CNTN4: variants seen among roughly 807,000 people sequenced by gnomAD.
The protein encoded by CNTN4 is contactin-4.
A neutral mutation model predicts 122.5 loss-of-function variants in CNTN4; 77 were observed. That is an observed-to-expected ratio of 0.63 (90% CI 0.52 to 0.76). The LOEUF (loss-of-function observed/expected upper bound fraction) is 0.76, where lower values mean the gene tolerates loss of function less well. CNTN4 is among the 30% of genes least tolerant of loss of function. The pLI is 0.00. For missense variants in CNTN4, 1,256 were observed against 1,259.1 expected (o/e 1.00, Z 0.04); for synonymous variants, 512 against 447.0 (o/e 1.15, Z -1.83).
intron 2 of CNTN4, among the ~76,000 whole-genome samples, chr3:2,301,631 A>G (rs1177355314): frequency 2.0e-5 from 3 of 152,330 alleles, no homozygotes; most frequent in South Asian, 2.1e-4. Context: ...AGCCTTGAAC[A>G]GAAATCATAA....
At chr3:2,567,498 T>G (rs974381329) in intron 3 of CNTN4, among the ~76,000 whole-genome samples, 2 of 152,198 alleles carry the variant, frequency 1.3e-5, no homozygotes, top group Non-Finnish European at 2.9e-5. Context: ...GGCTGCGCTG[T>G]GCTGTCTTTA....
At chr3:2,194,122 G>A (rs147941674) in intron 2 of CNTN4, among the ~76,000 whole-genome samples, 163 of 152,252 alleles carry the variant, frequency 1.1e-3, no homozygotes, top group Non-Finnish European at 1.9e-3. Context: ...TCATCATCAT[G>A]TTGTCTGTCT....
At chr3:2,873,790 A>G (rs189715156) in intron 8 of CNTN4, among the ~76,000 whole-genome samples, 279 of 152,266 alleles carry the variant, frequency 1.8e-3, no homozygotes, top group African/African-American at 4.8e-3. Context: ...GTGATCTACA[A>G]CCCTTTATTG....
chr3:3,048,701 G>T (rs1700937072), intron 23 of CNTN4, among the ~76,000 whole-genome samples: 1 of 152,136 alleles, frequency 6.6e-6, no homozygotes, highest in Admixed American at 6.5e-5. Flanking sequence ...TAGAGAATTT[G>T]ACCCATTAAA....
chr3:2,717,117 T>G (rs886762696), intron 4 of CNTN4, among the ~76,000 whole-genome samples: 2 of 152,130 alleles, frequency 1.3e-5, no homozygotes, highest in Non-Finnish European at 2.9e-5. Context: ...TTCAATTCTC[T>G]TGGGTATTGT....
chr3:2,664,947 G>A (rs1020736012), intron 4 of CNTN4, among the ~76,000 whole-genome samples: 1 of 152,126 alleles, frequency 6.6e-6, no homozygotes, highest in African/African-American at 2.4e-5. Flanking sequence ...TAATCTGTAT[G>A]TCAGTTCTTA....
intron 14 of CNTN4, among the ~76,000 whole-genome samples, chr3:3,007,103 A>AAATC (rs1261711085): frequency 1.6e-4 from 25 of 152,062 alleles, no homozygotes; most frequent in African/African-American, 5.1e-4. Context: ...TAGAAAAAGT[A>AAATC]AATCATTACT....
chr3:2,609,917 T>C (rs1335086079), intron 4 of CNTN4, among the ~76,000 whole-genome samples: 1 of 152,222 alleles, frequency 6.6e-6, no homozygotes, highest in African/African-American at 2.4e-5. Flanking sequence ...CATAAAACTT[T>C]ATTTTCTTCA....
At chr3:2,553,046 A>G (rs1388739585) in intron 3 of CNTN4, among the ~76,000 whole-genome samples, 1 of 152,216 alleles carries the variant, frequency 6.6e-6, no homozygotes, top group African/African-American at 2.4e-5. Context: ...AGACCAGTGT[A>G]TCAACTCACG....
At chr3:2,442,725 A>G (rs2048484298) in intron 3 of CNTN4, among the ~76,000 whole-genome samples, 1 of 152,196 alleles carries the variant, frequency 6.6e-6, no homozygotes, top group African/African-American at 2.4e-5. Flanking sequence ...GGGTAGTTTA[A>G]ATAGTGATAG....
At chr3:2,109,338 G>A (rs2032753348) in intron 2 of CNTN4, among the ~76,000 whole-genome samples, 2 of 152,132 alleles carry the variant, frequency 1.3e-5, no homozygotes, top group African/African-American at 2.4e-5. Flanking sequence ...GGTTAGGGCA[G>A]TAGAATCACT....
chr3:2,287,299 G>A (rs1438844198), intron 2 of CNTN4, among the ~76,000 whole-genome samples: 1 of 152,044 alleles, frequency 6.6e-6, no homozygotes, highest in African/African-American at 2.4e-5. Flanking sequence ...TTTGAAATGG[G>A]CTGTGTATAA....
chr3:2,693,013 A>G (rs560569900), intron 4 of CNTN4, among the ~76,000 whole-genome samples: 2 of 152,290 alleles, frequency 1.3e-5, no homozygotes, highest in Admixed American at 6.5e-5. Context: ...ATGCATGTCA[A>G]TGAGATGCTA....
chr3:2,896,221 C>A (rs1033817411), intron 10 of CNTN4, among the ~76,000 whole-genome samples: 6 of 151,950 alleles, frequency 3.9e-5, no homozygotes, highest in Non-Finnish European at 5.9e-5. Context: ...TCTCAAGGTA[C>A]TTTTTTTAGC....
intron 4 of CNTN4, among the ~76,000 whole-genome samples, chr3:2,694,630 G>A (rs974656807): frequency 1.5e-4 from 23 of 152,074 alleles, no homozygotes; most frequent in Admixed American, 7.9e-4. Context: ...CTTAGGAGGC[G>A]AGGCAAGAGA....
intron 3 of CNTN4, among the ~76,000 whole-genome samples, chr3:2,445,013 ATCT>A (rs1169318243): frequency 0.025 from 3,750 of 151,818 alleles, 129 homozygotes; most frequent in African/African-American, 0.078. Flanking sequence ...AAAAAAAAAA[ATCT>A]ATCTCTCTAT....
intron 8 of CNTN4, among the ~76,000 whole-genome samples, chr3:2,876,209 C>G (rs544932619): frequency 5.9e-5 from 9 of 152,110 alleles, no homozygotes; most frequent in Non-Finnish European, 8.8e-5. Flanking sequence ...CAGTTGTTGC[C>G]CCATACTCTG....
intron 3 of CNTN4, among the ~76,000 whole-genome samples, chr3:2,392,411 T>C (rs2046472099): frequency 6.6e-6 from 1 of 152,216 alleles, no homozygotes; most frequent in Non-Finnish European, 1.5e-5. Context: ...TCTGGTTGGC[T>C]TCCTACTCAT....
At chr3:2,388,148 G>GT (rs1428132857) in intron 3 of CNTN4, among the ~76,000 whole-genome samples, 3 of 152,222 alleles carry the variant, frequency 2.0e-5, no homozygotes, top group Non-Finnish European at 4.4e-5. Context: ...GGTCCTTCAA[G>GT]TGGGGAAGTT....
Sources: gnomAD v4.1 joint callset for allele counts (sites outside exome capture counted in the v4.1 genomes callset) on GRCh38, gnomAD v4.1.1 for gene constraint, MANE v1.5 for transcripts, NCBI Gene and HGNC (gene_info 2026-07-23, HGNC 2026-07-21) for gene names.